Variants in RPS6KA2 observed in about 807,000 individuals in gnomAD.
RPS6KA2 encodes ribosomal protein S6 kinase alpha-2.
RPS6KA2 carries 42 observed loss-of-function variants against 91.8 expected under a neutral mutation model. The observed-to-expected ratio is 0.46, with a 90% CI of 0.36 to 0.59. RPS6KA2 has a LOEUF of 0.59. RPS6KA2 is among the 20% of genes least tolerant of loss of function. The pLI is 0.00. For missense variants in RPS6KA2, 798 were observed against 978.5 expected, an observed-to-expected ratio of 0.82 and a Z score of 2.46; for synonymous variants, 414 against 393.6, an observed-to-expected ratio of 1.05 and a Z score of -0.61.
intron 1 of RPS6KA2, among the ~76,000 whole-genome samples, chr6:166,578,383 T>G (rs966686148): frequency 6.6e-6 from 1 of 152,164 alleles, no homozygotes; most frequent in Non-Finnish European, 1.5e-5. Context: ...GCCTCAATGC[T>G]GGAGGTGAAC....
At chr6:166,719,314 G>A (rs1018356020) in intron 2 of RPS6KA2, among the ~76,000 whole-genome samples, 4 of 152,188 alleles carry the variant, frequency 2.6e-5, no homozygotes, top group African/African-American at 9.7e-5. Context: ...GCTTATTTAT[G>A]GACATTGAGA....
chr6:166,420,614 A>T (rs1038692025), intron 17 of RPS6KA2, among the ~76,000 whole-genome samples: 2 of 152,068 alleles, frequency 1.3e-5, no homozygotes, highest in African/African-American at 4.8e-5. Flanking sequence ...TGTGCATGCC[A>T]CGTTTTGCTT....
At chr6:166,835,223 A>G (rs1780287838) in intron 2 of RPS6KA2, among the ~76,000 whole-genome samples, 1 of 152,214 alleles carries the variant, frequency 6.6e-6, no homozygotes, top group Non-Finnish European at 1.5e-5. Flanking sequence ...TTTAAAAGAC[A>G]GTGTGAGTTC....
rs1778620088 is a variant in RPS6KA2 at position 166,418,583 on chromosome 6, G to C, written c.1821-241C>G. Among the ~76,000 whole-genome samples, 1 of 152,238 alleles carries C rather than the reference G, an allele frequency of 6.6e-6. No individual in the cohort carries two copies. Among genetic ancestry groups the C allele is most frequent in the African/African-American group, 2.4e-5 (1 of 41,468 alleles). ...AGTGGGAGAGCCCTGTGAGACCTGT[G>C]CTGTATCCCCTCCGGACCCAGGTAA... On this transcript the variant is annotated intron_variant, in intron 18 of 20. Transcript: ENST00000265678. This position sits in a 1 kb window ranked among gnomAD's most constrained non-coding sequence, Gnocchi z 4.9.
At chr6:166,776,126 G>A (rs1239229081) in intron 2 of RPS6KA2, among the ~76,000 whole-genome samples, 1 of 152,216 alleles carries the variant, frequency 6.6e-6, no homozygotes, top group Non-Finnish European at 1.5e-5. Flanking sequence ...CCAGGTCCAT[G>A]CAAAAATACG....
intron 2 of RPS6KA2, among the ~76,000 whole-genome samples, chr6:166,537,625 A>G (rs1223530340): frequency 6.6e-6 from 1 of 152,060 alleles, no homozygotes; most frequent in East Asian, 1.9e-4. Flanking sequence ...TGCGGACTGT[A>G]GGATTATCCA....
chr6:166,820,789 G>A (rs1349891720), intron 2 of RPS6KA2, among the ~76,000 whole-genome samples: 2 of 152,106 alleles, frequency 1.3e-5, no homozygotes, highest in Non-Finnish European at 2.9e-5. Flanking sequence ...TTTGTTATAA[G>A]ACAGTAAATT....
intron 2 of RPS6KA2, among the ~76,000 whole-genome samples, chr6:166,830,074 G>A (rs932089661): frequency 1.7e-4 from 25 of 145,052 alleles, no homozygotes; most frequent in African/African-American, 6.5e-4. Flanking sequence ...TGCATGAGCC[G>A]AGATCGCACC....
rs373752577 is a variant in RPS6KA2, at chr6:166,508,496, G to A, written c.380-214C>T. 5.9e-5 allele frequency among the ~76,000 whole-genome samples: 9 copies of A among 152,214 alleles called. No individual in the cohort carries two copies. In the East Asian group the frequency reaches 9.7e-4, roughly 16 times the overall value. ...GCTGCCCCTCTCTCACTGTCGTTAG[G>A]GGGCCTTGAGATTTCTTTCATCTTT... On this transcript the variant is annotated intron_variant, in intron 4 of 20. Coordinates refer to ENST00000265678, the MANE Select transcript of RPS6KA2 (RefSeq NM_021135.6). This position sits in a 1 kb window ranked among gnomAD's most constrained non-coding sequence, Gnocchi z 4.3.
At chr6:166,839,127 A>C (rs2345672) in intron 2 of RPS6KA2, among the ~76,000 whole-genome samples, 149,023 of 152,306 alleles carry the variant, frequency 0.98, 72,981 homozygotes, top group East Asian at 1. Context: ...TTTACACCAC[A>C]ACGTTTGTGG....
chr6:166,540,566 A>G (rs571830875), intron 1 of RPS6KA2, among the ~76,000 whole-genome samples: 3 of 152,244 alleles, frequency 2.0e-5, no homozygotes, highest in Non-Finnish European at 4.4e-5. Flanking sequence ...TTGTTGCTTC[A>G]TAATTACTTC....
intron 1 of RPS6KA2, among the ~76,000 whole-genome samples, chr6:166,558,586 A>G (rs1784245650): frequency 1.3e-5 from 2 of 152,230 alleles, no homozygotes; most frequent in Middle Eastern, 3.4e-3. Context: ...GGGCAGGGGG[A>G]GGGTGAGAGG....
rs3799569 is a variant in RPS6KA2 at position 166,617,351 on chromosome 6, T to C, written c.99+9570A>G. ...TTTCTCAATCTTTTAAGATATTTTG[T>C]TGCTTTTAAAAATTTTTAAGTAATC... On this transcript the variant is annotated intron_variant, in intron 1 of 20. Coordinates refer to ENST00000265678, the MANE Select transcript of RPS6KA2 (RefSeq NM_021135.6). Among the ~76,000 whole-genome samples, 584 of 152,368 alleles carry C rather than the reference T, an allele frequency of 3.8e-3. 17 individuals are homozygous for C. The East Asian group carries it at 0.071, about 19-fold the overall frequency.
chr6:166,850,649 G>A (rs1780716374), intron 2 of RPS6KA2, among the ~76,000 whole-genome samples: 1 of 152,182 alleles, frequency 6.6e-6, no homozygotes, highest in Non-Finnish European at 1.5e-5. Flanking sequence ...CTCGGCCAGA[G>A]TCACAGATCT....
At chr6:166,468,978 G>A (rs537047749) in intron 11 of RPS6KA2, among the ~76,000 whole-genome samples, 2 of 152,216 alleles carry the variant, frequency 1.3e-5, no homozygotes, top group African/African-American at 4.8e-5. Flanking sequence ...AATTTGTTAG[G>A]TCAGGAAAAG....
chr6:166,753,345 TA>T (rs1293658441), intron 2 of RPS6KA2, among the ~76,000 whole-genome samples: 1 of 152,238 alleles, frequency 6.6e-6, no homozygotes, highest in Non-Finnish European at 1.5e-5. Flanking sequence ...TCCTTAAAAA[TA>T]AAATTTTAGT....
Position 166,411,365 on chromosome 6 carries a change from G to C in RPS6KA2, c.*1397C>G, listed in dbSNP as rs1209803280. The C allele has an allele frequency of 6.6e-5, 10 of 152,136 alleles. 1 individual carries two copies. Among genetic ancestry groups the C allele is most frequent in the Admixed American group, 6.5e-4 (10 of 15,276 alleles). The allele number at this position is 152,136 out of a possible 1,614,324, so 9.4% of individuals were successfully genotyped here. On this transcript the variant is annotated 3_prime_UTR_variant, in exon 21 of 21. Coordinates refer to ENST00000265678, the MANE Select transcript of RPS6KA2 (RefSeq NM_021135.6). This position sits in a 1 kb window ranked among gnomAD's most constrained non-coding sequence, Gnocchi z 4.5. ...TGCAGAGGCGCCGCTCTTCAGTGAT[G>C]CAGGGTGAGGGGCTGAGCGGCGCCT...
At position 166,554,776 on chromosome 6, in the gene RPS6KA2, T is replaced by C. The variant is rs1784130462; in HGVS notation, c.100-15992A>G. On this transcript the variant is annotated intron_variant, in intron 1 of 20. Transcript: ENST00000265678. This position sits in a 1 kb window ranked among gnomAD's most constrained non-coding sequence, Gnocchi z 4.3. ...ATCCCTAGGAAAGGCCTACTTATGA[T>C]GAGAATTCTGATGTCAATGTGAGGA... Among the ~76,000 whole-genome samples the C allele has an allele frequency of 6.6e-6, 1 of 152,188 alleles. No homozygotes were observed. Among genetic ancestry groups the C allele is most frequent in the African/African-American group, 2.4e-5 (1 of 41,436 alleles).
chr6:166,664,202 C>T (rs1788250738), intron 2 of RPS6KA2, among the ~76,000 whole-genome samples: 1 of 152,224 alleles, frequency 6.6e-6, no homozygotes. Context: ...ACAAACATTA[C>T]CCTGAAGTTT....
Sources: allele counts gnomAD v4.1 joint callset (sites outside exome capture counted in the v4.1 genomes callset), GRCh38; gene constraint gnomAD v4.1.1; non-coding constraint Gnocchi (gnomAD v3.1); transcripts MANE v1.5; gene names NCBI Gene and HGNC (gene_info 2026-07-23, HGNC 2026-07-21).